Variants in ANO2 observed in about 807,000 individuals in gnomAD.
The protein encoded by ANO2 is anoctamin-2.
Under a neutral mutation model 124.2 loss-of-function variants are expected in ANO2, and 101 were observed. The ratio of observed to expected loss-of-function variants is 0.81; its 90% confidence interval spans 0.69 to 0.96. ANO2 has a LOEUF of 0.96. Among genes scored for constraint, ANO2 ranks in the 40% least tolerant of loss-of-function variants. The pLI is 0.00. For synonymous variants in ANO2, 486 were observed against 482.5 expected (o/e 1.01, Z -0.09); for missense variants, 1,293 against 1,274.5 (o/e 1.01, Z -0.22).
intron 10 of ANO2, among the ~76,000 whole-genome samples, chr12:5,790,431 C>T (rs741109): frequency 0.44 from 67,073 of 151,982 alleles, 16,070 homozygotes; most frequent in African/African-American, 0.64. Context: ...TCTCAAGCCA[C>T]TCATCTGCCT....
chr12:5,652,303 T>G (rs868340180), intron 14 of ANO2, among the ~76,000 whole-genome samples: 41 of 152,280 alleles, frequency 2.7e-4, no homozygotes, highest in African/African-American at 8.9e-4. Context: ...ACAGAAAAGC[T>G]TCAAAGGAGT....
At chr12:5,767,092 G>A (rs1951916252) in intron 10 of ANO2, among the ~76,000 whole-genome samples, 1 of 152,214 alleles carries the variant, frequency 6.6e-6, no homozygotes, top group Non-Finnish European at 1.5e-5. Flanking sequence ...GTCAGCTGGA[G>A]GGCTAATTTC....
chr12:5,596,844 C>T (rs1212492137), intron 20 of ANO2, among the ~76,000 whole-genome samples: 1 of 152,178 alleles, frequency 6.6e-6, no homozygotes, highest in Non-Finnish European at 1.5e-5. Flanking sequence ...CTCTTCTAAG[C>T]ACTGTATTAG....
intron 3 of ANO2, among the ~76,000 whole-genome samples, chr12:5,884,090 C>A (rs1401422706): frequency 6.6e-6 from 1 of 152,088 alleles, no homozygotes; most frequent in African/African-American, 2.4e-5. Flanking sequence ...TCCTCCAGAC[C>A]CTGCACACTT....
intron 10 of ANO2, among the ~76,000 whole-genome samples, chr12:5,764,703 C>G (rs1951830672): frequency 6.6e-6 from 1 of 152,122 alleles, no homozygotes. Flanking sequence ...CCAGCCCCGC[C>G]CTCCCCTGTT....
At chr12:5,707,638 G>A (rs1272076034) in intron 14 of ANO2, among the ~76,000 whole-genome samples, 2 of 152,072 alleles carry the variant, frequency 1.3e-5, no homozygotes, top group East Asian at 1.9e-4. Flanking sequence ...CACCCCCAGA[G>A]GATACCCAAT....
intron 10 of ANO2, among the ~76,000 whole-genome samples, chr12:5,762,243 T>C (rs546163322): frequency 6.6e-6 from 1 of 152,116 alleles, no homozygotes; most frequent in Admixed American, 6.5e-5. Context: ...GAACATAAGG[T>C]TTAACTTTAC....
At chr12:5,819,890 A>C (rs1953729706) in intron 7 of ANO2, among the ~76,000 whole-genome samples, 1 of 152,202 alleles carries the variant, frequency 6.6e-6, no homozygotes, top group South Asian at 2.1e-4. Context: ...GGGTGTACCT[A>C]CTGTAATGGA....
intron 20 of ANO2, among the ~76,000 whole-genome samples, chr12:5,584,253 C>A (rs560844226): frequency 9.2e-5 from 14 of 152,072 alleles, no homozygotes; most frequent in African/African-American, 3.1e-4. Context: ...TCTGCCTACC[C>A]CGCCAAAGGG....
intron 14 of ANO2, among the ~76,000 whole-genome samples, chr12:5,694,716 G>A (rs933936385): frequency 6.6e-6 from 1 of 152,152 alleles, no homozygotes; most frequent in Admixed American, 6.5e-5. Context: ...CAAAGGAGTA[G>A]GTTTCTGGTT....
rs1014749651 is a variant in ANO2 at position 5,832,320 on chromosome 12, G to T, written c.785+132C>A. ...GCACAGGGACAATGTCACCATGAGA[G>T]CATGCTTCCTACTCTCTCTCCCAGG... On this transcript the variant is annotated intron_variant, in intron 5 of 24. Coordinates refer to ENST00000682330, the MANE Select transcript of ANO2 (RefSeq NM_001364791.2). 5 of 1,033,032 alleles carry T rather than the reference G, an allele frequency of 4.8e-6. No individual in the cohort carries two copies. The East Asian group carries it at 9.8e-5, about 20-fold the overall frequency. 64.0% of individuals were successfully genotyped at this position (1,033,032 alleles called of 1,614,324 possible).
At chr12:5,664,513 T>C (rs1947606892) in intron 14 of ANO2, among the ~76,000 whole-genome samples, 1 of 152,246 alleles carries the variant, frequency 6.6e-6, no homozygotes, top group African/African-American at 2.4e-5. Flanking sequence ...CTTTATGAGA[T>C]ATGAATTATT....
At chr12:5,932,495 T>A in intron 1 of ANO2, among the ~76,000 whole-genome samples, 3 of 143,468 alleles carry the variant, frequency 2.1e-5, no homozygotes, top group African/African-American at 5.2e-5. Flanking sequence ...GAAGGAAGAC[T>A]GGTAAGAAAG....
chr12:5,908,320 C>T lies in ANO2; in HGVS notation c.534+12720G>A, dbSNP rs897064171. The stretch of plus-strand genomic sequence containing the variant: ...CTGGGCTGGAAGAGCCCAGAAAGAA[C>T]GGATCAACAGCATGGGCTAAAATAT... On this transcript the variant is annotated intron_variant, in intron 3 of 24. Transcript: ENST00000682330. This position sits in a 1 kb window ranked among gnomAD's most constrained non-coding sequence, Gnocchi z 4.7. Among the ~76,000 whole-genome samples the T allele has an allele frequency of 1.3e-5, 2 of 152,226 alleles. No homozygotes were observed. Among genetic ancestry groups the T allele is most frequent in the Admixed American group, 6.5e-5 (1 of 15,290 alleles).
chr12:5,841,681 C>T (rs1384101734), intron 4 of ANO2, among the ~76,000 whole-genome samples: 5 of 152,100 alleles, frequency 3.3e-5, no homozygotes, highest in Non-Finnish European at 5.9e-5. Context: ...TGGGCATGTC[C>T]TTCCCTCTTC....
At chr12:5,596,141 G>A (rs148221093) in intron 20 of ANO2, among the ~76,000 whole-genome samples, 3,096 of 152,258 alleles carry the variant, frequency 0.02, 108 homozygotes, top group African/African-American at 0.068. Flanking sequence ...TTGGGAGGCC[G>A]AGGCAGGAGG....
intron 19 of ANO2, among the ~76,000 whole-genome samples, chr12:5,611,247 C>T (rs1453872543): frequency 2.6e-5 from 4 of 152,006 alleles, no homozygotes; most frequent in East Asian, 1.9e-4. Flanking sequence ...GGGATTACAG[C>T]GGTGAGCCAC....
At chr12:5,696,500 C>T (rs149759361) in intron 14 of ANO2, among the ~76,000 whole-genome samples, 33 of 152,146 alleles carry the variant, frequency 2.2e-4, no homozygotes, top group African/African-American at 7.7e-4. Context: ...GCTCACAAAA[C>T]CCAGAAGTTG....
Position 5,635,599 on chromosome 12 carries a change from T to TCACACACACACACACACACACA in ANO2, c.1621-274_1621-253dup, listed in dbSNP as rs60128304. ...TTTTTGTCAGATTCCAAATGATTTA[T>TCACACACACACACACACACACA]CACACACACACACACACACACACAC... is the stretch of plus-strand genomic sequence containing the variant. On this transcript the variant is annotated intron_variant, in intron 15 of 24. Transcript: ENST00000682330. This position sits in a 1 kb window ranked among gnomAD's most constrained non-coding sequence, Gnocchi z 5.2. 5.4e-5 allele frequency among the ~76,000 whole-genome samples: 8 copies of TCACACACACACACACACACACA among 146,794 alleles called. No homozygotes were observed. Among genetic ancestry groups the TCACACACACACACACACACACA allele is most frequent in the African/African-American group, 2.0e-4 (8 of 39,450 alleles).
Sources: allele counts gnomAD v4.1 joint callset (sites outside exome capture counted in the v4.1 genomes callset), GRCh38; gene constraint gnomAD v4.1.1; non-coding constraint Gnocchi (gnomAD v3.1); transcripts MANE v1.5; gene names NCBI Gene and HGNC (gene_info 2026-07-23, HGNC 2026-07-21).